Variants in HLA-DOA observed in about 807,000 individuals in gnomAD.
HLA-DOA encodes the protein HLA class II histocompatibility antigen, DO alpha chain.
In HLA-DOA, 27 loss-of-function variants were observed where a neutral mutation model predicts 22.9. The ratio of observed to expected loss-of-function variants is 1.18; its 90% confidence interval spans 0.87 to 1.62. The LOEUF (loss-of-function observed/expected upper bound fraction) is 1.62, where lower values mean the gene tolerates loss of function less well. Among genes scored for constraint, HLA-DOA ranks in the 40% most tolerant of loss-of-function variants. The probability of loss-of-function intolerance (pLI) is 0.00; values close to 1 mark genes in which losing one functional copy is unlikely to be tolerated. For synonymous variants in HLA-DOA, 137 were observed against 138.6 expected (o/e 0.99, Z 0.08); for missense variants, 324 against 332.4 (o/e 0.97, Z 0.20).
intron 2 of HLA-DOA, chr6:33,007,793 C>A: frequency 1.2e-6 from 1 of 825,466 alleles, no homozygotes. Flanking sequence ...CTATATTTGA[C>A]TGGTCCCTGG....
At chr6:33,008,716 G>A (rs1780934479) in intron 1 of HLA-DOA, among the ~76,000 whole-genome samples, 1 of 152,154 alleles carries the variant, frequency 6.6e-6, no homozygotes, top group Admixed American at 6.5e-5. Context: ...ACGGCTGGCA[G>A]GGGTAAGAAT....
chr6:33,008,300 A>C, intron 1 of HLA-DOA, 39 bp from the exon 2 acceptor site: 1 of 1,600,286 alleles, frequency 6.2e-7, no homozygotes, highest in Non-Finnish European at 8.5e-7. Flanking sequence ...GAGAGAAAAA[A>C]ATGTGTCTGT....
At position 33,009,584 on chromosome 6, in the gene HLA-DOA, A is replaced by T. The variant is rs545355107; in HGVS notation, c.-48T>A. The T allele has an allele frequency of 7.0e-7, 1 of 1,423,404 alleles. No individual in the cohort carries two copies. Among genetic ancestry groups the T allele is most frequent in the South Asian group, 1.3e-5 (1 of 76,284 alleles). 88.2% of individuals were successfully genotyped at this position (1,423,404 alleles called of 1,614,324 possible). Reference sequence around the variant, plus strand: ...ATCAGTCTCAGTCCGTGTGGTGAGGACAGGAACAAGGCGGAGGTAAAGAAG... The same window carrying T: ...ATCAGTCTCAGTCCGTGTGGTGAGGTCAGGAACAAGGCGGAGGTAAAGAAG... On this transcript the variant is annotated 5_prime_UTR_variant, in exon 1 of 5. Coordinates refer to ENST00000229829, the MANE Select transcript of HLA-DOA (RefSeq NM_002119.4). This position sits in a 1 kb window ranked among gnomAD's most constrained non-coding sequence, Gnocchi z 4.8.
rs748134166 is a variant in HLA-DOA, at chr6:33,007,114, T to C, written c.715A>G (p.Ile239Val). ...CTGGACACATATGTGCCCATGATGA[T>C]GAGGACGGTGCCCACGAGGAAGCCC... ...LVGFLVGTVL[I>V]IMGTYVSSVP... The change falls in exon 4 of 5, where the codon ATC (isoleucine) becomes GTC (valine). Residue 239 changes from isoleucine to valine, a missense_variant. Coordinates refer to ENST00000229829, the MANE Select transcript of HLA-DOA (RefSeq NM_002119.4). 3 of 1,613,694 alleles carry C rather than the reference T, an allele frequency of 1.9e-6. No homozygotes were observed. Among genetic ancestry groups the C allele is most frequent in the Non-Finnish European group, 2.5e-6 (3 of 1,179,956 alleles).
At position 33,006,629 on chromosome 6, in the gene HLA-DOA, T is replaced by C; in HGVS notation, c.*209A>G. On this transcript the variant is annotated 3_prime_UTR_variant, in exon 5 of 5. Transcript: ENST00000229829. ...GGTAGAGCAAGAATGTGTGTGTGTG[T>C]TGAATGGGAAGGGAAGCTAGTAGGT... is the stretch of plus-strand genomic sequence containing the variant. 1 of 689,986 alleles carries C rather than the reference T, an allele frequency of 1.4e-6. No homozygotes were observed. 42.7% of individuals were successfully genotyped at this position (689,986 alleles called of 1,614,324 possible).
intron 2 of HLA-DOA, 162 bp from the exon 3 acceptor site, chr6:33,007,754 T>G (rs1780884997): frequency 5.6e-6 from 5 of 897,780 alleles, no homozygotes; most frequent in Non-Finnish European, 8.3e-6. Context: ...GAGAGGAGAC[T>G]GGGGAGGGAG....
rs769128981 is a variant in HLA-DOA, at chr6:33,007,303, C to T, written c.613+8G>A. The T allele has an allele frequency of 1.2e-6, 2 of 1,613,000 alleles. No individual in the cohort carries two copies. Among genetic ancestry groups the T allele is most frequent in the Admixed American group, 1.7e-5 (1 of 60,024 alleles). ...GCCAGGAGGGTGCATGGGGAGGGGGCTCCGTACCCCAATGCCTGAGGAGTG... is the reference window on the plus strand; with the variant it reads ...GCCAGGAGGGTGCATGGGGAGGGGGTTCCGTACCCCAATGCCTGAGGAGTG... On this transcript the variant is annotated splice_region_variant and intron_variant, in intron 3 of 4. Coordinates refer to ENST00000229829, the MANE Select transcript of HLA-DOA (RefSeq NM_002119.4).
Position 33,009,090 on chromosome 6 carries a change from C to T in HLA-DOA, c.82+365G>A, listed in dbSNP as rs1339891350. Among the ~76,000 whole-genome samples, 2 of 152,152 alleles carry T rather than the reference C, an allele frequency of 1.3e-5. No individual in the cohort carries two copies. Among genetic ancestry groups the T allele is most frequent in the Non-Finnish European group, 2.9e-5 (2 of 68,028 alleles). On this transcript the variant is annotated intron_variant, in intron 1 of 4. Coordinates refer to ENST00000229829, the MANE Select transcript of HLA-DOA (RefSeq NM_002119.4). The surrounding 1 kb of genome is among the most constrained non-coding windows in gnomAD (Gnocchi z 4.8). Reference sequence around the variant, plus strand: ...GTAAATAGTTAACTACCGGCATGGGCATAAATACTGCAACAGAACTGGACT... The same window carrying T: ...GTAAATAGTTAACTACCGGCATGGGTATAAATACTGCAACAGAACTGGACT...
Position 33,007,414 on chromosome 6 carries a change from C to A in HLA-DOA, c.510G>T (p.Leu170Phe). 1 of 1,605,988 alleles carries A rather than the reference C, an allele frequency of 6.2e-7. No homozygotes were observed. Among genetic ancestry groups the A allele is most frequent in the South Asian group, 1.1e-5 (1 of 89,886 alleles). Reference sequence around the variant, plus strand: ...AGGGCAGGTAGTGGAACTTGCGGAACAAATGGTCAGGCTGGGAATAGAAGC... The same window carrying A: ...AGGGCAGGTAGTGGAACTTGCGGAAAAAATGGTCAGGCTGGGAATAGAAGC... ...QTSFYSQPDH[L>F]FRKFHYLPFV... The change falls in exon 3 of 5, where the codon TTG (leucine) becomes TTT (phenylalanine). Residue 170 changes from leucine (L) to phenylalanine (F), a missense_variant. Coordinates refer to ENST00000229829, the MANE Select transcript of HLA-DOA (RefSeq NM_002119.4).
In HLA-DOA at chr6:33,005,207, A is replaced by G. The variant is rs1427318431; in HGVS notation, c.*1631T>C. ...TCATCCAGAGCCGGTTAAAAATGAC[A>G]GCCTCGGCTGGGCACAGTGGCTAAT... On this transcript the variant is annotated 3_prime_UTR_variant, in exon 5 of 5. Coordinates refer to ENST00000229829, the MANE Select transcript of HLA-DOA (RefSeq NM_002119.4). 3.3e-5 allele frequency: 5 copies of G among 152,302 alleles called. No homozygotes were observed. Among genetic ancestry groups the G allele is most frequent in the African/African-American group, 7.2e-5 (3 of 41,462 alleles). 9.4% of individuals were successfully genotyped at this position (152,302 alleles called of 1,614,324 possible). A position where few individuals can be genotyped will look rare whatever the true frequency, so the allele number is the denominator to read the frequency against.
Position 33,007,373 on chromosome 6 carries a change from T to C in HLA-DOA, c.551A>G (p.Glu184Gly). The change falls in exon 3 of 5, where the codon GAG becomes GGG. Residue 184 changes from glutamate (E) to glycine (G), a missense_variant. Physicochemically the swap from Glu to Gly is moderately conservative, Grantham distance 98. Transcript: ENST00000229829. ...FHYLPFVPSA[E>G]DVYDCQVEHW... The stretch of plus-strand genomic sequence containing the variant: ...CTCCACCTGGCAGTCATAGACGTCC[T>C]CGGCTGAGGGCACGAAGGGCAGGTA... 1 of 1,607,428 alleles carries C rather than the reference T, an allele frequency of 6.2e-7. No homozygotes were observed. The highest frequency in any genetic ancestry group is 8.5e-7 in the Non-Finnish European group (1 of 1,176,288).
rs573173928 is a variant in HLA-DOA, at chr6:33,009,447, G to T, written c.82+8C>A. ...TCCCCGCCGCACCCTCCTCGCCCTC[G>T]CACTCACCCTTGGTGGCCCCTGCCT... is the stretch of plus-strand genomic sequence containing the variant. On this transcript the variant is annotated splice_region_variant and intron_variant, in intron 1 of 4. Transcript: ENST00000229829. This position sits in a 1 kb window ranked among gnomAD's most constrained non-coding sequence, Gnocchi z 4.8. The T allele has an allele frequency of 1.3e-6, 2 of 1,584,986 alleles. No individual in the cohort carries two copies. The highest frequency in any genetic ancestry group is 8.6e-7 in the Non-Finnish European group (1 of 1,167,172).
In HLA-DOA at chr6:33,009,391, C is replaced by T. The variant is rs1418715274; in HGVS notation, c.82+64G>A. The T allele has an allele frequency of 8.3e-7, 1 of 1,207,686 alleles. No individual in the cohort carries two copies. The highest frequency in any genetic ancestry group is 1.5e-5 in the African/African-American group (1 of 65,650). 74.8% of individuals were successfully genotyped at this position (1,207,686 alleles called of 1,614,324 possible). ...GGAACAAGCATCCTCCATGCCACCT[C>T]CTCATGTAACCCAACTCCGTAAATC... On this transcript the variant is annotated intron_variant, in intron 1 of 4. Transcript: ENST00000229829. This position sits in a 1 kb window ranked among gnomAD's most constrained non-coding sequence, Gnocchi z 4.8.
At chr6:33,007,843 G>A (rs1283532555) in intron 2 of HLA-DOA, 170 bp downstream of exon 2, 1 of 955,762 alleles carries the variant, frequency 1.0e-6, no homozygotes, top group African/African-American at 1.6e-5. Flanking sequence ...TCAAGGAGAG[G>A]GGTGCCAAAG....
In HLA-DOA at chr6:33,006,381, A is replaced by C; in HGVS notation, c.*457T>G. On this transcript the variant is annotated 3_prime_UTR_variant, in exon 5 of 5. Transcript: ENST00000229829. ...GGATAATCTGCATCCCTTTCAGGGT[A>C]AACCTGAACTCAGGAGGCAAATTTC... 1 of 255,340 alleles carries C rather than the reference A, an allele frequency of 3.9e-6. No individual in the cohort carries two copies. Among genetic ancestry groups the C allele is most frequent in the Non-Finnish European group, 7.7e-6 (1 of 129,684 alleles). The allele number at this position is 255,340 out of a possible 1,614,324, so 15.8% of individuals were successfully genotyped here. A position where few individuals can be genotyped will look rare whatever the true frequency, so the allele number is the denominator to read the frequency against.
At position 33,009,418 on chromosome 6, in the gene HLA-DOA, C is replaced by T; in HGVS notation, c.82+37G>A. On this transcript the variant is annotated intron_variant, in intron 1 of 4. Coordinates refer to ENST00000229829, the MANE Select transcript of HLA-DOA (RefSeq NM_002119.4). This position sits in a 1 kb window ranked among gnomAD's most constrained non-coding sequence, Gnocchi z 4.8. ...TCATGTAACCCAACTCCGTAAATCT[C>T]TGCTCCCCGCCGCACCCTCCTCGCC... The T allele has an allele frequency of 6.8e-7, 1 of 1,475,818 alleles. No individual in the cohort carries two copies. The allele number at this position is 1,475,818 out of a possible 1,614,324, so 91.4% of individuals were successfully genotyped here.
chr6:33,008,965 T>G (rs1297966227), intron 1 of HLA-DOA, among the ~76,000 whole-genome samples: 2 of 152,114 alleles, frequency 1.3e-5, no homozygotes, highest in Non-Finnish European at 2.9e-5. Flanking sequence ...GGAACTAGCA[T>G]GCACCCAGCA....
chr6:33,007,707 G>C, intron 2 of HLA-DOA, 115 bp from the exon 3 acceptor site: 1 of 1,238,678 alleles, frequency 8.1e-7, no homozygotes, highest in Non-Finnish European at 1.1e-6. Flanking sequence ...GGATGCTCTG[G>C]GGTATCCACT....
chr6:33,006,685 C>A lies in HLA-DOA; in HGVS notation c.*153G>T. 1 of 1,190,526 alleles carries A rather than the reference C, an allele frequency of 8.4e-7. No individual in the cohort carries two copies. The highest frequency in any genetic ancestry group is 1.2e-5 in the South Asian group (1 of 80,734). The allele number at this position is 1,190,526 out of a possible 1,614,324, so 73.7% of individuals were successfully genotyped here. On this transcript the variant is annotated 3_prime_UTR_variant, in exon 5 of 5. Coordinates refer to ENST00000229829, the MANE Select transcript of HLA-DOA (RefSeq NM_002119.4). The stretch of plus-strand genomic sequence containing the variant: ...ACAAACCCTGCCATGAATACTGGGG[C>A]CAAAAAAGAGGGGACCCGTAGGACA...
Sources: allele counts gnomAD v4.1 joint callset (sites outside exome capture counted in the v4.1 genomes callset), GRCh38; gene constraint gnomAD v4.1.1; non-coding constraint Gnocchi (gnomAD v3.1); transcripts MANE v1.5; gene names NCBI Gene and HGNC (gene_info 2026-07-23, HGNC 2026-07-21).